The following LRRC4C variants were observed in gnomAD, a reference collection of about 807,000 sequenced individuals.
The protein encoded by LRRC4C is leucine-rich repeat-containing protein 4C.
In LRRC4C, 5 loss-of-function variants were observed where a neutral mutation model predicts 33.6. The observed-to-expected ratio is 0.15, with a 90% CI of 0.08 to 0.31. The LOEUF is 0.31. Ranked by LOEUF, LRRC4C falls within the 10% of genes least tolerant of loss-of-function variation. LRRC4C has a pLI of 1.00. For synonymous variants in LRRC4C, 329 were observed against 302.0 expected (o/e 1.09, Z -0.93); for missense variants, 560 against 796.7 (o/e 0.70, Z 3.58).
chr11:40,657,426 A>C (rs576141173), intron 2 of LRRC4C, among the ~76,000 whole-genome samples: 55 of 152,348 alleles, frequency 3.6e-4, no homozygotes, highest in Non-Finnish European at 4.6e-4. Context: ...TTGGGCCCCC[A>C]AAATGACTAA....
intron 1 of LRRC4C, among the ~76,000 whole-genome samples, chr11:41,181,529 T>C (rs1023989261): frequency 6.6e-6 from 1 of 152,158 alleles, no homozygotes; most frequent in African/African-American, 2.4e-5. Flanking sequence ...TTTAGAAAAG[T>C]ATTGTTGTTA....
intron 5 of LRRC4C, among the ~76,000 whole-genome samples, chr11:40,184,692 A>G (rs1177309228): frequency 6.6e-6 from 1 of 152,172 alleles, no homozygotes; most frequent in Non-Finnish European, 1.5e-5. Flanking sequence ...AAAAATCCAC[A>G]TGCGTCACTT....
chr11:41,157,028 G>A (rs1172049611), intron 1 of LRRC4C, among the ~76,000 whole-genome samples: 1 of 152,056 alleles, frequency 6.6e-6, no homozygotes, highest in African/African-American at 2.4e-5. Context: ...GTGAAGAACA[G>A]CATTCCTCCC....
intron 1 of LRRC4C, among the ~76,000 whole-genome samples, chr11:41,220,004 AT>A (rs1212755546): frequency 1.3e-5 from 2 of 152,142 alleles, no homozygotes; most frequent in African/African-American, 4.8e-5. Context: ...TTGACCTGGA[AT>A]TTTTTAAAAT....
rs529297292 is a variant in LRRC4C at position 41,106,700 on chromosome 11, C to T, written c.-495-172977G>A. On this transcript the variant is annotated intron_variant, in intron 1 of 6. Coordinates refer to ENST00000528697, the MANE Select transcript of LRRC4C (RefSeq NM_001258419.2). ...ATATTTGATACATCAGAGAATAGTA[C>T]GGGTTGAGTATCCTTACAGTACAGA... Among the ~76,000 whole-genome samples, 24 of 152,028 alleles carry T rather than the reference C, an allele frequency of 1.6e-4. No individual in the cohort carries two copies. In the South Asian group the frequency reaches 3.3e-3, roughly 21 times the overall value.
At chr11:40,915,331 C>T (rs1260292794) in intron 2 of LRRC4C, among the ~76,000 whole-genome samples, 3 of 152,144 alleles carry the variant, frequency 2.0e-5, no homozygotes, top group Non-Finnish European at 4.4e-5. Context: ...CAGCATGGTA[C>T]TGGTACCAAA....
At chr11:40,474,512 C>T (rs1374087729) in intron 3 of LRRC4C, among the ~76,000 whole-genome samples, 6 of 152,168 alleles carry the variant, frequency 3.9e-5, no homozygotes, top group Admixed American at 1.3e-4. Context: ...CCATTCAGGA[C>T]ATAGGCATGG....
chr11:40,258,742 C>T (rs1246337935), intron 4 of LRRC4C, among the ~76,000 whole-genome samples: 1 of 152,158 alleles, frequency 6.6e-6, no homozygotes. Flanking sequence ...TCTGGATTCT[C>T]CAAAATATAC....
intron 1 of LRRC4C, among the ~76,000 whole-genome samples, chr11:41,047,629 T>A (rs541751026): frequency 6.6e-6 from 1 of 152,294 alleles, no homozygotes; most frequent in African/African-American, 2.4e-5. Flanking sequence ...TTTCAAGCAG[T>A]GCTTTGATGA....
rs1855249964 is a variant in LRRC4C, at chr11:40,114,302, C to A, written c.*68G>T. The A allele has an allele frequency of 6.9e-7, 1 of 1,451,830 alleles. No homozygotes were observed. The highest frequency in any genetic ancestry group is 9.2e-7 in the Non-Finnish European group (1 of 1,088,960). The allele number at this position is 1,451,830 out of a possible 1,614,324, so 89.9% of individuals were successfully genotyped here. ...TTTGAAACAGTAGATTTAGCCCAGT[C>A]ATTTGTGTCATTTTTAATAAACTGT... is the stretch of plus-strand genomic sequence containing the variant. On this transcript the variant is annotated 3_prime_UTR_variant, in exon 7 of 7. Coordinates refer to ENST00000528697, the MANE Select transcript of LRRC4C (RefSeq NM_001258419.2).
At chr11:40,684,358 A>G (rs1163369925) in intron 2 of LRRC4C, among the ~76,000 whole-genome samples, 2 of 152,100 alleles carry the variant, frequency 1.3e-5, no homozygotes, top group African/African-American at 2.4e-5. Flanking sequence ...TGTACGCATT[A>G]AATTTTGAAT....
intron 2 of LRRC4C, among the ~76,000 whole-genome samples, chr11:40,845,494 T>C (rs1184268081): frequency 1.3e-5 from 2 of 152,194 alleles, no homozygotes; most frequent in Non-Finnish European, 2.9e-5. Flanking sequence ...TCCATGTCCC[T>C]GCAAAGGACA....
chr11:40,751,030 C>G (rs957256453), intron 2 of LRRC4C, among the ~76,000 whole-genome samples: 3 of 151,738 alleles, frequency 2.0e-5, no homozygotes, highest in Admixed American at 6.6e-5. Flanking sequence ...TTGATTATAT[C>G]AGTAGATGCC....
At chr11:40,911,360 C>A (rs998482750) in intron 2 of LRRC4C, among the ~76,000 whole-genome samples, 2 of 152,116 alleles carry the variant, frequency 1.3e-5, no homozygotes, top group African/African-American at 2.4e-5. Flanking sequence ...TCCAGAGGAA[C>A]GATCAGGCAG....
intron 1 of LRRC4C, among the ~76,000 whole-genome samples, chr11:41,357,984 C>A (rs184654264): frequency 2.3e-3 from 349 of 152,136 alleles, no homozygotes; most frequent in African/African-American, 8.1e-3. Context: ...AGAGGACCAA[C>A]CCTACACAAC....
At chr11:40,640,805 G>T (rs1023325658) in intron 3 of LRRC4C, among the ~76,000 whole-genome samples, 14 of 151,990 alleles carry the variant, frequency 9.2e-5, no homozygotes, top group Non-Finnish European at 1.3e-4. Context: ...ACGAGGTCAG[G>T]AGATCGAGAG....
intron 2 of LRRC4C, among the ~76,000 whole-genome samples, chr11:40,720,167 G>A (rs755846538): frequency 3.3e-5 from 5 of 152,020 alleles, no homozygotes; most frequent in African/African-American, 1.2e-4. Context: ...ATTAGTTGTA[G>A]CACTGTCTCA....
At chr11:40,890,687 G>T (rs907003506) in intron 2 of LRRC4C, among the ~76,000 whole-genome samples, 1 of 151,966 alleles carries the variant, frequency 6.6e-6, no homozygotes, top group African/African-American at 2.4e-5. Flanking sequence ...AATACAGAAT[G>T]GGATTCCCAA....
chr11:41,293,238 T>G (rs1950041158), intron 1 of LRRC4C, among the ~76,000 whole-genome samples: 1 of 152,170 alleles, frequency 6.6e-6, no homozygotes, highest in African/African-American at 2.4e-5. Context: ...TTTTATTATT[T>G]GTATTTGTCT....
Sources: gnomAD v4.1 joint callset for allele counts (sites outside exome capture counted in the v4.1 genomes callset) on GRCh38, gnomAD v4.1.1 for gene constraint, MANE v1.5 for transcripts, NCBI Gene and HGNC (gene_info 2026-07-23, HGNC 2026-07-21) for gene names.